Variants in PKP4 observed in about 807,000 individuals in gnomAD.
PKP4 encodes the protein plakophilin-4.
Under a neutral mutation model 145.1 loss-of-function variants are expected in PKP4, and 90 were observed. The observed-to-expected ratio is 0.62, with a 90% CI of 0.52 to 0.74. PKP4 has a LOEUF of 0.74. Ranked by LOEUF, PKP4 falls within the 30% of genes least tolerant of loss-of-function variation. PKP4 has a pLI of 0.00. For synonymous variants in PKP4, 563 were observed against 577.2 expected (o/e 0.98, Z 0.35); for missense variants, 1,340 against 1,482.7 (o/e 0.90, Z 1.58).
At chr2:158,658,018 A>G in intron 11 of PKP4, 113 bp from the exon 12 acceptor site, 1 of 679,576 alleles carries the variant, frequency 1.5e-6, no homozygotes, top group Non-Finnish European at 2.5e-6. Context: ...AATATAGGCC[A>G]TAGATTAGGT....
chr2:158,622,048 A>T (rs1186830618), intron 6 of PKP4, among the ~76,000 whole-genome samples: 1 of 152,148 alleles, frequency 6.6e-6, no homozygotes, highest in Non-Finnish European at 1.5e-5. Flanking sequence ...TTGGTCCCTG[A>T]GGGGTTATGA....
rs1478325268 is a variant in PKP4, at chr2:158,485,367, C to T, written c.-6+28149C>T. Among the ~76,000 whole-genome samples the T allele has an allele frequency of 2.6e-5, 4 of 152,304 alleles. No homozygotes were observed. In the South Asian group the frequency reaches 8.3e-4, roughly 32 times the overall value. On this transcript the variant is annotated intron_variant, in intron 1 of 21. Coordinates refer to ENST00000389759, the MANE Select transcript of PKP4 (RefSeq NM_003628.6). ...GTAACAGTTAAGTCATTCAGAAGTA[C>T]GTAGGAAATGGCAGTGCTGGAATCT...
chr2:158,678,884 T>C, intron 21 of PKP4: 1 of 572,120 alleles, frequency 1.7e-6, no homozygotes, highest in Non-Finnish European at 3.2e-6. Flanking sequence ...GTGCCACTGA[T>C]GGGGACAGCC....
intron 4 of PKP4, among the ~76,000 whole-genome samples, chr2:158,619,661 A>C (rs988350137): frequency 6.6e-6 from 1 of 152,148 alleles, no homozygotes; most frequent in Non-Finnish European, 1.5e-5. Flanking sequence ...ATGAGTCAGC[A>C]CTCAGTAAAA....
At chr2:158,598,747 C>T (rs901202936) in intron 3 of PKP4, among the ~76,000 whole-genome samples, 3 of 151,890 alleles carry the variant, frequency 2.0e-5, no homozygotes, top group Non-Finnish European at 4.4e-5. Context: ...CCAGCCTGGG[C>T]GAGAGCAAGA....
At chr2:158,597,624 C>T (rs2049868194) in intron 3 of PKP4, among the ~76,000 whole-genome samples, 1 of 152,154 alleles carries the variant, frequency 6.6e-6, no homozygotes, top group African/African-American at 2.4e-5. Context: ...ATAGTCTAGA[C>T]AGTGGGACAC....
intron 9 of PKP4, among the ~76,000 whole-genome samples, chr2:158,635,070 C>T (rs1028844399): frequency 6.6e-6 from 1 of 152,036 alleles, no homozygotes; most frequent in Non-Finnish European, 1.5e-5. Flanking sequence ...TATTTTAAGG[C>T]ATGTATGCAA....
intron 1 of PKP4, among the ~76,000 whole-genome samples, chr2:158,494,603 A>AT (rs1695412081): frequency 6.6e-6 from 1 of 152,168 alleles, no homozygotes; most frequent in South Asian, 2.1e-4. Context: ...TTAATATGAA[A>AT]TTTTCTAGAC....
At position 158,663,265 on chromosome 2, in the gene PKP4, C is replaced by G. The variant is rs560154312; in HGVS notation, c.2404-7C>G. The G allele has an allele frequency of 1.2e-6, 2 of 1,610,520 alleles. No individual in the cohort carries two copies. Among genetic ancestry groups the G allele is most frequent in the Non-Finnish European group, 8.5e-7 (1 of 1,178,508 alleles). The stretch of plus-strand genomic sequence containing the variant: ...CCTCCATTTAACGTGTGCTGTTTGT[C>G]TTTCAGTGGGATGGAGTTGGTCCTA... On this transcript the variant is annotated splice_region_variant and splice_polypyrimidine_tract_variant and intron_variant, in intron 14 of 21. Transcript: ENST00000389759.
intron 4 of PKP4, among the ~76,000 whole-genome samples, chr2:158,604,526 T>C (rs1478726224): frequency 6.6e-6 from 1 of 152,050 alleles, no homozygotes; most frequent in Non-Finnish European, 1.5e-5. Flanking sequence ...ACTGCAGAAT[T>C]TGGTGTGTGA....
intron 1 of PKP4, among the ~76,000 whole-genome samples, chr2:158,459,483 G>GA (rs1224380106): frequency 3.3e-5 from 5 of 151,924 alleles, no homozygotes; most frequent in Non-Finnish European, 7.4e-5. Context: ...AAAAAAAATA[G>GA]AAAAAAATAT....
Position 158,536,350 on chromosome 2 carries a change from A to G in PKP4, c.132+3034A>G, listed in dbSNP as rs559399493. On this transcript the variant is annotated intron_variant, in intron 2 of 21. Transcript: ENST00000389759. ...GAACATGCTAATTTATTGCAACCCC[A>G]AACATAATGTCAAGGCACTTGGTTA... Among the ~76,000 whole-genome samples, 5 of 152,324 alleles carry G rather than the reference A, an allele frequency of 3.3e-5. No homozygotes were observed. The East Asian group carries it at 9.7e-4, about 29-fold the overall frequency.
At chr2:158,631,308 T>TA in intron 7 of PKP4, among the ~76,000 whole-genome samples, 1 of 152,246 alleles carries the variant, frequency 6.6e-6, no homozygotes, top group Non-Finnish European at 1.5e-5. Flanking sequence ...TGGTAAAACT[T>TA]ACTAGTTTTA....
chr2:158,644,009 G>T (rs112759318), intron 11 of PKP4, among the ~76,000 whole-genome samples: 6,166 of 152,088 alleles, frequency 0.041, 191 homozygotes, highest in Non-Finnish European at 0.055. Context: ...CAGGTGATCC[G>T]CCCGCCTCAG....
At chr2:158,489,253 C>G (rs1574067793) in intron 1 of PKP4, among the ~76,000 whole-genome samples, 3 of 151,936 alleles carry the variant, frequency 2.0e-5, no homozygotes, top group Admixed American at 2.0e-4. Context: ...CATATCTGGG[C>G]TTCTCTTTTT....
intron 1 of PKP4, among the ~76,000 whole-genome samples, chr2:158,499,425 G>T (rs1574122837): frequency 2.0e-5 from 3 of 152,288 alleles, no homozygotes; most frequent in East Asian, 1.9e-4. Flanking sequence ...GTTCTTAAGA[G>T]AAATTAGTTC....
intron 20 of PKP4, 138 bp from the exon 21 acceptor site, chr2:158,678,443 C>A: frequency 1.5e-6 from 1 of 672,904 alleles, no homozygotes; most frequent in Non-Finnish European, 2.7e-6. Context: ...GAGCTGCTAC[C>A]TCTCCCAGCC....
At chr2:158,488,087 T>C (rs1406843145) in intron 1 of PKP4, among the ~76,000 whole-genome samples, 1 of 152,220 alleles carries the variant, frequency 6.6e-6, no homozygotes, top group Non-Finnish European at 1.5e-5. Flanking sequence ...CACAAATTTA[T>C]TACTGCCACC....
At chr2:158,655,682 G>A (rs1558960615) in intron 11 of PKP4, among the ~76,000 whole-genome samples, 1 of 152,242 alleles carries the variant, frequency 6.6e-6, no homozygotes, top group Non-Finnish European at 1.5e-5. Context: ...GCCATGCATT[G>A]AGGAATTCGA....
Sources: allele counts gnomAD v4.1 joint callset (sites outside exome capture counted in the v4.1 genomes callset), GRCh38; gene constraint gnomAD v4.1.1; transcripts MANE v1.5; gene names NCBI Gene and HGNC (gene_info 2026-07-23, HGNC 2026-07-21).